The following KLHL13 variants were observed in gnomAD, a reference collection of about 807,000 sequenced individuals.
The protein encoded by KLHL13 is kelch-like protein 13.
KLHL13 carries 10 observed loss-of-function variants against 37.1 expected under a neutral mutation model. The observed-to-expected ratio is 0.27, with a 90% confidence interval of 0.17 to 0.46. The LOEUF is 0.46. Ranked by LOEUF, KLHL13 falls within the 20% of genes least tolerant of loss-of-function variation. The pLI, the probability that KLHL13 is intolerant of heterozygous loss-of-function variation, is 1.00. For missense variants in KLHL13, 360 were observed against 509.3 expected (o/e 0.71, Z 2.82); for synonymous variants, 163 against 181.2 (o/e 0.90, Z 0.81).
intron 1 of KLHL13, among the ~76,000 whole-genome samples, chrX:117,954,791 G>T (rs1228770631): frequency 8.9e-6 from 1 of 112,050 alleles, no homozygotes; most frequent in Non-Finnish European, 1.9e-5. Flanking sequence ...CCCTCTAGAA[G>T]GATGCTTCGC....
At chrX:117,905,401 T>C (rs972592806) in intron 5 of KLHL13, among the ~76,000 whole-genome samples, 2 of 111,652 alleles carry the variant, frequency 1.8e-5, no homozygotes, top group Admixed American at 1.9e-4. Context: ...ACAGCTACTC[T>C]AAGCCTCCCC....
intron 1 of KLHL13, among the ~76,000 whole-genome samples, chrX:117,968,349 G>T (rs753540580): frequency 3.6e-5 from 4 of 111,503 alleles, no homozygotes; most frequent in Non-Finnish European, 5.7e-5. Flanking sequence ...TTCGAGAGGT[G>T]TCATGGAATG....
At chrX:118,072,655 C>T (rs972854574) in intron 1 of KLHL13, among the ~76,000 whole-genome samples, 69 of 111,790 alleles carry the variant, frequency 6.2e-4, no homozygotes, top group African/African-American at 1.9e-3. Context: ...ACAACCCCAT[C>T]AAAAAGTGGG....
rs754130371 is a variant in KLHL13 at position 118,105,892 on chromosome X, CTTTTTTTTTTT to C, written c.-56+10605_-56+10615del. Reference sequence around the variant, plus strand: ...TTAAAGGATCCTTTGGTCTAAACAGCTTTTTTTTTTTTTTTTTTTTTTTTTTTGAGATGGAG... The same window carrying C: ...TTAAAGGATCCTTTGGTCTAAACAGCTTTTTTTTTTTTTTTTGAGATGGAG... On this transcript the variant is annotated intron_variant, in intron 1 of 6. Transcript: ENST00000371882. Among the ~76,000 whole-genome samples the C allele has an allele frequency of 1.0e-2, 670 of 67,041 alleles. 12 individuals are homozygous for C. The highest frequency in any genetic ancestry group is 0.045 in the African/African-American group (633 of 14,172). 58.2% of individuals were successfully genotyped at this position (67,041 alleles called of 115,157 possible). A position where few individuals can be genotyped will look rare whatever the true frequency, so the allele number is the denominator to read the frequency against.
At chrX:118,061,085 A>G (rs1031918219) in intron 1 of KLHL13, among the ~76,000 whole-genome samples, 9 of 111,716 alleles carry the variant, frequency 8.1e-5, no homozygotes, top group Non-Finnish European at 1.5e-4. Flanking sequence ...GCACAATTCA[A>G]TCCACAACAG....
intron 4 of KLHL13, chrX:117,914,228 G>C (rs1313514190): frequency 9.7e-6 from 1 of 102,814 alleles, no homozygotes; most frequent in South Asian, 4.1e-4. Context: ...ATGGGTATCT[G>C]CTTTTTTTTT....
At chrX:117,928,983 G>A (rs1347063661) in intron 2 of KLHL13, among the ~76,000 whole-genome samples, 1 of 111,648 alleles carries the variant, frequency 9.0e-6, no homozygotes, top group East Asian at 2.8e-4. Context: ...AATTACCAAT[G>A]CCAGGATGAA....
intron 4 of KLHL13, among the ~76,000 whole-genome samples, chrX:117,917,468 A>T (rs1460654686): frequency 8.9e-6 from 1 of 111,914 alleles, no homozygotes; most frequent in Non-Finnish European, 1.9e-5. Context: ...TATAAAAATG[A>T]AGACATTTCT....
At chrX:118,077,476 C>T (rs777131157) in intron 1 of KLHL13, among the ~76,000 whole-genome samples, 46 of 108,750 alleles carry the variant, frequency 4.2e-4, no homozygotes, top group Admixed American at 3.4e-3. Context: ...GTAGGGGGTG[C>T]ATTATGATTA....
chrX:118,097,246 T>A (rs76981149), intron 1 of KLHL13, among the ~76,000 whole-genome samples: 6 of 111,134 alleles, frequency 5.4e-5, no homozygotes, highest in African/African-American at 1.7e-4. Flanking sequence ...GGATACAAAA[T>A]CAATGTGCAA....
At chrX:117,965,812 T>C (rs369460850) in intron 1 of KLHL13, among the ~76,000 whole-genome samples, 4 of 111,826 alleles carry the variant, frequency 3.6e-5, no homozygotes, top group African/African-American at 1.3e-4. Context: ...ACCACATGAT[T>C]ATCTCAATAG....
intron 1 of KLHL13, among the ~76,000 whole-genome samples, chrX:118,066,512 C>T (rs1325562123): frequency 9.0e-6 from 1 of 111,172 alleles, no homozygotes; most frequent in African/African-American, 3.3e-5. Context: ...GATCACAGAT[C>T]TAAATATAAA....
intron 1 of KLHL13, among the ~76,000 whole-genome samples, chrX:118,057,233 G>A (rs1037883607): frequency 8.9e-6 from 1 of 112,090 alleles, no homozygotes; most frequent in Admixed American, 9.5e-5. Context: ...TTCCAAGACT[G>A]TTCATTGAGG....
chrX:117,960,522 C>G (rs1390783776), intron 1 of KLHL13, among the ~76,000 whole-genome samples: 6 of 112,166 alleles, frequency 5.3e-5, no homozygotes, highest in African/African-American at 1.6e-4. Flanking sequence ...TGCCAAACAC[C>G]AAACACTAAA....
intron 1 of KLHL13, among the ~76,000 whole-genome samples, chrX:118,046,255 G>C (rs751841801): frequency 3.6e-5 from 4 of 112,246 alleles, no homozygotes; most frequent in Non-Finnish European, 7.5e-5. Context: ...GATGGAACTG[G>C]AGGACATTGT....
chrX:117,974,586 G>T (rs993570225), upstream of KLHL13, among the ~76,000 whole-genome samples: 6 of 111,707 alleles, frequency 5.4e-5, no homozygotes, highest in Non-Finnish European at 1.1e-4. Flanking sequence ...ACCAAATTTA[G>T]TATATAAGAA....
At chrX:117,907,036 G>T (rs1309656345) in intron 5 of KLHL13, among the ~76,000 whole-genome samples, 3 of 111,439 alleles carry the variant, frequency 2.7e-5, no homozygotes, top group African/African-American at 9.8e-5. Flanking sequence ...GCCTAAATAT[G>T]AATTTAGGAA....
chrX:117,941,373 A>G (rs1011384201), intron 2 of KLHL13, among the ~76,000 whole-genome samples: 7 of 111,753 alleles, frequency 6.3e-5, no homozygotes, highest in African/African-American at 2.3e-4. Context: ...GGAATATTCC[A>G]TCTTTTTCTA....
chrX:118,065,925 G>GT (rs995205842), intron 1 of KLHL13, among the ~76,000 whole-genome samples: 20 of 111,184 alleles, frequency 1.8e-4, no homozygotes, highest in East Asian at 2.8e-4. Flanking sequence ...TCCATTTACT[G>GT]TTTTTTTTCT....
Sources: gnomAD v4.1 joint callset for allele counts (sites outside exome capture counted in the v4.1 genomes callset) on GRCh38, gnomAD v4.1.1 for gene constraint, MANE v1.5 for transcripts, NCBI Gene and HGNC (gene_info 2026-07-23, HGNC 2026-07-21) for gene names.